WDR20: variants seen among roughly 807,000 people sequenced by gnomAD.
WDR20 encodes the protein WD repeat domain 20.
WDR20 carries 3 observed loss-of-function variants against 38.7 expected under a neutral mutation model. That is an observed-to-expected ratio of 0.08 (90% CI 0.04 to 0.20). The LOEUF is 0.20. WDR20 is among the 10% of genes least tolerant of loss of function. The pLI is 1.00. For missense variants in WDR20, 559 were observed against 727.7 expected (o/e 0.77, Z 2.67); for synonymous variants, 298 against 285.6 (o/e 1.04, Z -0.44).
chr14:102,143,440 G>T (rs1267066497), intron 1 of WDR20, among the ~76,000 whole-genome samples: 1 of 151,940 alleles, frequency 6.6e-6, no homozygotes, highest in African/African-American at 2.4e-5. Context: ...AGATTTGAGT[G>T]ACTACTGTGA....
intron 1 of WDR20, among the ~76,000 whole-genome samples, chr14:102,163,094 T>G (rs1417959252): frequency 6.6e-6 from 1 of 152,172 alleles, no homozygotes; most frequent in Non-Finnish European, 1.5e-5. Context: ...ACATGGGGCC[T>G]TTAAGGGCTG....
chr14:102,178,009 A>G (rs1383802329), intron 1 of WDR20, among the ~76,000 whole-genome samples: 1 of 152,164 alleles, frequency 6.6e-6, no homozygotes, highest in African/African-American at 2.4e-5. Context: ...GTCCTGAAGG[A>G]TCCCTGTGCC....
intron 1 of WDR20, among the ~76,000 whole-genome samples, chr14:102,170,062 A>G (rs2060508479): frequency 6.6e-6 from 1 of 152,182 alleles, no homozygotes; most frequent in Non-Finnish European, 1.5e-5. Flanking sequence ...AATACACAAA[A>G]TTACAGATAT....
chr14:102,173,173 T>C (rs1390432389), intron 1 of WDR20, among the ~76,000 whole-genome samples: 1 of 151,390 alleles, frequency 6.6e-6, no homozygotes, highest in Non-Finnish European at 1.5e-5. Context: ...AGTGCAGTGG[T>C]ACCATCTCAG....
intron 1 of WDR20, among the ~76,000 whole-genome samples, chr14:102,155,187 A>T (rs2057075580): frequency 6.6e-6 from 1 of 152,184 alleles, no homozygotes; most frequent in Non-Finnish European, 1.5e-5. Context: ...AGAGATGAGA[A>T]TATCTGTCCT....
chr14:102,200,382 CAG>C (rs1355450087), intron 2 of WDR20, among the ~76,000 whole-genome samples: 7 of 152,078 alleles, frequency 4.6e-5, no homozygotes, highest in Non-Finnish European at 1.0e-4. Flanking sequence ...GAGCTGCCCA[CAG>C]AGGAGAGTCA....
chr14:102,200,467 T>TG (rs1555400555), intron 2 of WDR20, among the ~76,000 whole-genome samples: 5,038 of 117,520 alleles, frequency 0.043, 121 homozygotes, highest in East Asian at 0.069. Flanking sequence ...ATTTTTTTTT[T>TG]TGTGTGTGTG....
At chr14:102,151,505 C>T (rs2055848634) in intron 1 of WDR20, among the ~76,000 whole-genome samples, 1 of 151,940 alleles carries the variant, frequency 6.6e-6, no homozygotes, top group South Asian at 2.1e-4. Flanking sequence ...AAGCCATCCT[C>T]CCACCTTAGC....
chr14:102,146,862 T>C (rs1017732417), intron 1 of WDR20, among the ~76,000 whole-genome samples: 2 of 152,250 alleles, frequency 1.3e-5, no homozygotes, highest in African/African-American at 4.8e-5. Context: ...TCTGTAACTT[T>C]TTGTATTAGA....
intron 2 of WDR20, among the ~76,000 whole-genome samples, chr14:102,203,047 TG>T (rs1315211751): frequency 1.4e-4 from 22 of 152,306 alleles, no homozygotes; most frequent in Admixed American, 1.3e-4. Context: ...TATTTGTCCA[TG>T]GCATGGACAG....
intron 2 of WDR20, chr14:102,197,663 A>AC (rs2059633413): frequency 1.7e-6 from 1 of 597,946 alleles, no homozygotes; most frequent in African/African-American, 1.8e-5. Context: ...TTTTCATGTC[A>AC]CGTGAAGCAA....
At chr14:102,169,978 G>A (rs902082350) in intron 1 of WDR20, among the ~76,000 whole-genome samples, 2 of 152,142 alleles carry the variant, frequency 1.3e-5, no homozygotes, top group South Asian at 2.1e-4. Context: ...GCCCTCCAGT[G>A]CCACCCTGTC....
At chr14:102,202,684 C>T (rs186052824) in intron 2 of WDR20, among the ~76,000 whole-genome samples, 54 of 151,996 alleles carry the variant, frequency 3.6e-4, no homozygotes, top group African/African-American at 1.2e-3. Context: ...CGGGCCTGTA[C>T]GGAGGTTTTT....
In WDR20 at chr14:102,207,224, T is replaced by A. The variant is rs2061708403; in HGVS notation, c.433-1379T>A. 6.6e-6 allele frequency among the ~76,000 whole-genome samples: 1 copy of A among 152,246 alleles called. No homozygotes were observed. Among genetic ancestry groups the A allele is most frequent in the Admixed American group, 6.5e-5 (1 of 15,290 alleles). ...CCCTGGGCCCGCATGCTGTGTGGCGTTCAGGCCTCCGTTCTTCCTGCCTGG... is the reference window on the plus strand; with the variant it reads ...CCCTGGGCCCGCATGCTGTGTGGCGATCAGGCCTCCGTTCTTCCTGCCTGG... On this transcript the variant is annotated intron_variant, in intron 2 of 2. Transcript: ENST00000342702. The surrounding 1 kb of genome is among the most constrained non-coding windows in gnomAD (Gnocchi z 5.0).
intron 1 of WDR20, among the ~76,000 whole-genome samples, chr14:102,147,249 G>A (rs904497690): frequency 1.3e-5 from 2 of 152,192 alleles, no homozygotes; most frequent in African/African-American, 4.8e-5. Flanking sequence ...ACAAAAATTA[G>A]CCAAGTATGG....
chr14:102,156,034 T>A (rs2057297277), intron 1 of WDR20, among the ~76,000 whole-genome samples: 1 of 151,010 alleles, frequency 6.6e-6, no homozygotes, highest in Non-Finnish European at 1.5e-5. Context: ...CACCTCGGCC[T>A]CCCAAAGCAT....
At chr14:102,147,815 C>T (rs1304153336) in intron 1 of WDR20, among the ~76,000 whole-genome samples, 4 of 152,214 alleles carry the variant, frequency 2.6e-5, no homozygotes, top group Non-Finnish European at 5.9e-5. Context: ...ACTGCAACCT[C>T]TGCCTCCCGG....
downstream of WDR20, among the ~76,000 whole-genome samples, chr14:102,224,010 A>G (rs910324791): frequency 1.1e-4 from 17 of 151,638 alleles, no homozygotes; most frequent in African/African-American, 4.1e-4. Context: ...TGGGACATGA[A>G]CTAGCTAATC....
At chr14:102,203,649 T>C (rs972788983) in intron 2 of WDR20, among the ~76,000 whole-genome samples, 4 of 152,074 alleles carry the variant, frequency 2.6e-5, no homozygotes, top group African/African-American at 9.7e-5. Flanking sequence ...CCTTGGAGCA[T>C]GGCCCCTGGT....
Sources: allele counts gnomAD v4.1 joint callset (sites outside exome capture counted in the v4.1 genomes callset), GRCh38; gene constraint gnomAD v4.1.1; non-coding constraint Gnocchi (gnomAD v3.1); transcripts MANE v1.5; gene names NCBI Gene and HGNC (gene_info 2026-07-23, HGNC 2026-07-21).